The following NSUN6 variants were observed in gnomAD, a reference collection of about 807,000 sequenced individuals.
NSUN6 encodes NOP2/Sun RNA methyltransferase 6.
In NSUN6, 64 loss-of-function variants were observed where a neutral mutation model predicts 58.0. The ratio of observed to expected loss-of-function variants is 1.10; its 90% CI spans 0.90 to 1.36. The LOEUF is 1.36. Among genes scored for constraint, NSUN6 ranks in the 40% most tolerant of loss-of-function variants. The probability of loss-of-function intolerance (pLI) is 0.00; values close to 1 mark genes in which losing one functional copy is unlikely to be tolerated. For missense variants in NSUN6, 701 were observed against 550.1 expected (o/e 1.27, Z -2.74); for synonymous variants, 231 against 193.9 (o/e 1.19, Z -1.59).
upstream of NSUN6, chr10:18,651,750 C>A (rs907976337): frequency 3.0e-5 from 30 of 985,424 alleles, no homozygotes; most frequent in Non-Finnish European, 3.4e-5. Context: ...AGGTTCCTAA[C>A]CCTGCGTGAG....
At chr10:18,578,704 G>A (rs1031677442) in intron 8 of NSUN6, among the ~76,000 whole-genome samples, 1 of 152,124 alleles carries the variant, frequency 6.6e-6, no homozygotes, top group Non-Finnish European at 1.5e-5. Context: ...GTGGCCAGCT[G>A]AATTCCAGTA....
intron 8 of NSUN6, among the ~76,000 whole-genome samples, chr10:18,578,250 T>TTTTG (rs1564749937): frequency 1.3e-5 from 2 of 148,278 alleles, no homozygotes; most frequent in Non-Finnish European, 3.0e-5. Context: ...TTTTTTTTTT[T>TTTTG]GAGATGGAGT....
chr10:18,624,634 C>A (rs1349173333), intron 3 of NSUN6, among the ~76,000 whole-genome samples: 8 of 103,608 alleles, frequency 7.7e-5, no homozygotes, highest in Admixed American at 2.7e-4. Context: ...GGAGACAGAG[C>A]GAGACTCTGT....
At chr10:18,617,561 A>G (rs2058458036) in intron 3 of NSUN6, among the ~76,000 whole-genome samples, 2 of 152,144 alleles carry the variant, frequency 1.3e-5, no homozygotes, top group African/African-American at 4.8e-5. Flanking sequence ...TTCAAACTCA[A>G]CAAGTCCTAA....
At chr10:18,607,566 G>A (rs553540725) in intron 6 of NSUN6, among the ~76,000 whole-genome samples, 73 of 152,304 alleles carry the variant, frequency 4.8e-4, no homozygotes, top group African/African-American at 1.7e-3. Context: ...TTGGGAAACC[G>A]TCAAAGAAAC....
At chr10:18,600,941 A>AAAAT (rs1487679670) in intron 6 of NSUN6, among the ~76,000 whole-genome samples, 517 of 43,506 alleles carry the variant, frequency 0.012, 23 homozygotes, top group African/African-American at 0.034. Context: ...AAAAAAAAAA[A>AAAAT]ATATATATAT....
upstream of NSUN6, chr10:18,658,085 A>C (rs1362790387): frequency 2.6e-5 from 4 of 152,264 alleles, no homozygotes; most frequent in African/African-American, 9.6e-5. Context: ...GCTAGGACTA[A>C]AAATGTCCTT....
In NSUN6 at chr10:18,563,975, CTCCAT is replaced by C. The variant is rs796760640; in HGVS notation, c.923-12009_923-12005del. ...ATTCTCGATTCCTTTCTATTCTCCA[CTCCAT>C]TCCATTCCATTCTCCATTCCACTGC... On this transcript the variant is annotated intron_variant, in intron 8 of 10. Transcript: ENST00000377304. 1.1e-3 allele frequency among the ~76,000 whole-genome samples: 159 copies of C among 150,214 alleles called. 1 individual carries two copies. The highest frequency in any genetic ancestry group is 3.6e-3 in the African/African-American group (149 of 41,070).
At chr10:18,632,203 T>C in intron 3 of NSUN6, among the ~76,000 whole-genome samples, 1 of 152,106 alleles carries the variant, frequency 6.6e-6, no homozygotes, top group Non-Finnish European at 1.5e-5. Context: ...GCTAGCCATA[T>C]GTAGAAAGCT....
upstream of NSUN6, among the ~76,000 whole-genome samples, chr10:18,655,654 T>G (rs907270977): frequency 3.9e-5 from 6 of 152,136 alleles, no homozygotes; most frequent in African/African-American, 1.4e-4. Context: ...GGGACTGTAG[T>G]AAAGAGGGGC....
At chr10:18,611,869 C>T (rs373585118) in intron 5 of NSUN6, among the ~76,000 whole-genome samples, 3 of 152,220 alleles carry the variant, frequency 2.0e-5, no homozygotes, top group African/African-American at 4.8e-5. Flanking sequence ...CCATGCCTGG[C>T]GCCCTCAGTT....
chr10:18,635,216 G>A (rs976086212), intron 3 of NSUN6, among the ~76,000 whole-genome samples: 5 of 152,144 alleles, frequency 3.3e-5, no homozygotes, highest in Non-Finnish European at 7.3e-5. Flanking sequence ...CATGTCCTAT[G>A]GGACCTCACT....
At chr10:18,574,447 G>A (rs373893117) in intron 8 of NSUN6, among the ~76,000 whole-genome samples, 2 of 151,938 alleles carry the variant, frequency 1.3e-5, no homozygotes. Flanking sequence ...GGGAACACAC[G>A]TTAGATTTAA....
chr10:18,618,350 C>T (rs528457174), intron 3 of NSUN6, among the ~76,000 whole-genome samples: 1 of 152,070 alleles, frequency 6.6e-6, no homozygotes, highest in African/African-American at 2.4e-5. Context: ...TTGTCTTTCC[C>T]CCATTATTCC....
chr10:18,616,338 A>T (rs1200300727), intron 3 of NSUN6, 45 bp from the exon 4 acceptor site: 1 of 1,133,050 alleles, frequency 8.8e-7, no homozygotes, highest in Admixed American at 1.7e-5. Flanking sequence ...CATACCTCCA[A>T]TGCCTACCAA....
chr10:18,549,044 C>G (rs1312593268), intron 9 of NSUN6, among the ~76,000 whole-genome samples: 2 of 152,154 alleles, frequency 1.3e-5, no homozygotes, highest in Admixed American at 1.3e-4. Flanking sequence ...GCTTTATTCC[C>G]TGCCCTCCTG....
rs201278779 is a variant in NSUN6 at position 18,645,809 on chromosome 10, G to T, written c.231+2681C>A. Among the ~76,000 whole-genome samples the T allele has an allele frequency of 7.9e-5, 12 of 152,266 alleles. No individual in the cohort carries two copies. The East Asian group carries it at 2.3e-3, about 29-fold the overall frequency. The stretch of plus-strand genomic sequence containing the variant: ...TAAGATACCACCAATGTTCCAAAGA[G>T]ATCATATTATTTACATTTCAACCTA... On this transcript the variant is annotated intron_variant, in intron 2 of 10. Coordinates refer to ENST00000377304, the MANE Select transcript of NSUN6 (RefSeq NM_182543.5).
intron 3 of NSUN6, among the ~76,000 whole-genome samples, chr10:18,623,648 C>T (rs1157544725): frequency 6.6e-6 from 1 of 152,164 alleles, no homozygotes; most frequent in African/African-American, 2.4e-5. Context: ...AATGGCATAA[C>T]CAGACAATGT....
intron 10 of NSUN6, among the ~76,000 whole-genome samples, chr10:18,547,233 T>C (rs553726310): frequency 1.3e-5 from 2 of 152,310 alleles, no homozygotes; most frequent in South Asian, 4.1e-4. Flanking sequence ...TGCATGTTAA[T>C]GAAGATAGGT....
Sources: allele counts gnomAD v4.1 joint callset (sites outside exome capture counted in the v4.1 genomes callset), GRCh38; gene constraint gnomAD v4.1.1; transcripts MANE v1.5; gene names NCBI Gene and HGNC (gene_info 2026-07-23, HGNC 2026-07-21).